The following SIK2 variants were observed in gnomAD, a reference collection of about 807,000 sequenced individuals.
SIK2 encodes salt inducible kinase 2, also known as serine/threonine-protein kinase SIK2.
Under a neutral mutation model 103.2 loss-of-function variants are expected in SIK2, and 29 were observed. The ratio of observed to expected loss-of-function variants is 0.28; its 90% CI spans 0.21 to 0.38. SIK2 has a LOEUF of 0.38. Among genes scored for constraint, SIK2 ranks in the 10% least tolerant of loss-of-function variants. The pLI, the probability that SIK2 is intolerant of heterozygous loss-of-function variation, is 1.00. For synonymous variants in SIK2, 412 were observed against 446.1 expected, an observed-to-expected ratio of 0.92 and a Z score of 0.96; for missense variants, 879 against 1,171.0, an observed-to-expected ratio of 0.75 and a Z score of 3.64.
chr11:111,691,172 T>C (rs1381717151), intron 4 of SIK2, among the ~76,000 whole-genome samples: 2 of 152,222 alleles, frequency 1.3e-5, no homozygotes, highest in African/African-American at 4.8e-5. Flanking sequence ...TCTGATGTCA[T>C]TGTGTGATAT....
Position 111,719,867 on chromosome 11 carries a change from C to T in SIK2, c.1359C>T (p.Asp453=), listed in dbSNP as rs780842589. 1.2e-5 allele frequency: 20 copies of T among 1,613,980 alleles called. No individual in the cohort carries two copies. The Admixed American group carries it at 1.8e-4, about 15-fold the overall frequency. ...LPSNMMETSI[D]EGLETEGEAE... ...GCAACATGATGGAGACCTCCATTGA[C>T]GAAGGGCTGGAGACAGAAGGAGAGG... The change falls in exon 10 of 15, where the codon GAC becomes GAT. Residue 453 remains aspartate, a synonymous_variant. Coordinates refer to ENST00000304987, the MANE Select transcript of SIK2 (RefSeq NM_015191.3).
chr11:111,698,863 T>C (rs1231504123), intron 4 of SIK2, among the ~76,000 whole-genome samples: 1 of 152,228 alleles, frequency 6.6e-6, no homozygotes, highest in East Asian at 1.9e-4. Context: ...ATCCGAGAGC[T>C]TCTTGTGCTG....
In SIK2 at chr11:111,720,555, G is replaced by A. The variant is rs1943770015; in HGVS notation, c.1573G>A (p.Asp525Asn). 1.9e-6 allele frequency: 3 copies of A among 1,613,936 alleles called. No individual in the cohort carries two copies. Among genetic ancestry groups the A allele is most frequent in the Non-Finnish European group, 1.7e-6 (2 of 1,180,014 alleles). The change falls in exon 11 of 15, where the codon GAC becomes AAC. Residue 525 changes from aspartate to asparagine, a missense_variant. Coordinates refer to ENST00000304987, the MANE Select transcript of SIK2 (RefSeq NM_015191.3). Reference protein sequence around the residue: ...SEYDMGSVQRDLNFLEDNPSL... With the variant: ...SEYDMGSVQRNLNFLEDNPSL... ...GTATGATATGGGGTCTGTTCAGAGGGACCTGAACTTTCTGGAAGACAACCC... is the reference window on the plus strand; with the variant it reads ...GTATGATATGGGGTCTGTTCAGAGGAACCTGAACTTTCTGGAAGACAACCC...
chr11:111,703,534 C>G (rs915674288), intron 7 of SIK2, 111 bp downstream of exon 7: 52 of 871,166 alleles, frequency 6.0e-5, no homozygotes, highest in Middle Eastern at 3.4e-4. Context: ...CCTAGGCGTA[C>G]TGTTCAGTGT....
At chr11:111,695,357 T>A (rs1045986130) in intron 4 of SIK2, among the ~76,000 whole-genome samples, 1 of 152,174 alleles carries the variant, frequency 6.6e-6, no homozygotes, top group African/African-American at 2.4e-5. Flanking sequence ...TTCCTAGAAA[T>A]CATTTACTTT....
chr11:111,658,539 T>C (rs1165247789), intron 3 of SIK2, among the ~76,000 whole-genome samples: 2 of 152,148 alleles, frequency 1.3e-5, no homozygotes, highest in Non-Finnish European at 2.9e-5. Flanking sequence ...GCCTAGGAGT[T>C]CGAGACCAGC....
chr11:111,637,941 T>G (rs1249550355), intron 3 of SIK2, among the ~76,000 whole-genome samples: 1 of 152,214 alleles, frequency 6.6e-6, no homozygotes, highest in African/African-American at 2.4e-5. Context: ...TAGAGTTTAT[T>G]TAGGTGATTA....
In SIK2 at chr11:111,729,320, A is replaced by G. The variant is rs1944102670; in HGVS notation, c.*5191A>G. The G allele has an allele frequency of 6.6e-6, 1 of 152,212 alleles. No individual in the cohort carries two copies. Among genetic ancestry groups the G allele is most frequent in the South Asian group, 2.1e-4 (1 of 4,836 alleles). The allele number at this position is 152,212 out of a possible 1,614,324, so 9.4% of individuals were successfully genotyped here. A position where few individuals can be genotyped will look rare whatever the true frequency, so the allele number is the denominator to read the frequency against. ...AGTGCTCGCAGACCCACCCAGGGAG[A>G]GCTGTGATGGGTTCTGCCCAGATAC... On this transcript the variant is annotated 3_prime_UTR_variant, in exon 15 of 15. Coordinates refer to ENST00000304987, the MANE Select transcript of SIK2 (RefSeq NM_015191.3).
At chr11:111,693,269 G>A (rs1942992983) in intron 4 of SIK2, among the ~76,000 whole-genome samples, 1 of 152,034 alleles carries the variant, frequency 6.6e-6, no homozygotes. Flanking sequence ...GGGAGTCAGA[G>A]GTTGCAGTGA....
chr11:111,626,849 C>G (rs796552627), intron 3 of SIK2, among the ~76,000 whole-genome samples: 9 of 152,158 alleles, frequency 5.9e-5, no homozygotes, highest in African/African-American at 2.2e-4. Flanking sequence ...CTTAATTACT[C>G]TTTATAAGGA....
At chr11:111,672,872 T>C (rs1942648388) in intron 3 of SIK2, among the ~76,000 whole-genome samples, 1 of 152,232 alleles carries the variant, frequency 6.6e-6, no homozygotes, top group African/African-American at 2.4e-5. Flanking sequence ...AATCTGGCTT[T>C]AACAAAACTT....
In SIK2 at chr11:111,705,211, A is replaced by C. The variant is rs180705186; in HGVS notation, c.1101+72A>C. The C allele has an allele frequency of 2.7e-5, 39 of 1,419,112 alleles. No homozygotes were observed. In the African/African-American group the frequency reaches 5.4e-4, roughly 20 times the overall value. 87.9% of individuals were successfully genotyped at this position (1,419,112 alleles called of 1,614,324 possible). A position where few individuals can be genotyped will look rare whatever the true frequency, so the allele number is the denominator to read the frequency against. On this transcript the variant is annotated intron_variant, in intron 8 of 14. Coordinates refer to ENST00000304987, the MANE Select transcript of SIK2 (RefSeq NM_015191.3). This position sits in a 1 kb window ranked among gnomAD's most constrained non-coding sequence, Gnocchi z 4.3. ...ACATGTTTGATACATTTTTCATCTT[A>C]TACACAGGGTTAGGATTTCATCCTC... is the stretch of plus-strand genomic sequence containing the variant.
intron 3 of SIK2, chr11:111,671,039 TG>T: frequency 6.2e-6 from 1 of 161,640 alleles, no homozygotes. Context: ...CTGGAGGAGC[TG>T]GGGCAGCTGA....
At chr11:111,643,474 A>T (rs1942210663) in intron 3 of SIK2, among the ~76,000 whole-genome samples, 1 of 152,034 alleles carries the variant, frequency 6.6e-6, no homozygotes, top group South Asian at 2.1e-4. Context: ...TAAAAAAAAA[A>T]AAGTTAATTA....
At chr11:111,624,907 G>A (rs1391783963) in intron 3 of SIK2, among the ~76,000 whole-genome samples, 1 of 152,174 alleles carries the variant, frequency 6.6e-6, no homozygotes, top group Admixed American at 6.5e-5. Context: ...TTAAAGCACA[G>A]TCATGTCGAT....
intron 1 of SIK2, among the ~76,000 whole-genome samples, chr11:111,603,407 C>T (rs1346246645): frequency 1.3e-5 from 2 of 152,042 alleles, no homozygotes; most frequent in Non-Finnish European, 2.9e-5. Flanking sequence ...GTGGATTGGT[C>T]TTCTACTTGT....
chr11:111,659,566 C>G (rs1942440778), intron 3 of SIK2, among the ~76,000 whole-genome samples: 1 of 152,174 alleles, frequency 6.6e-6, no homozygotes, highest in African/African-American at 2.4e-5. Context: ...CCTCACTGTC[C>G]CAGCTGGCTT....
intron 3 of SIK2, among the ~76,000 whole-genome samples, chr11:111,648,232 C>G (rs1482994206): frequency 6.6e-6 from 1 of 152,006 alleles, no homozygotes; most frequent in African/African-American, 2.4e-5. Context: ...CTATTTAAAG[C>G]AGTTTATTTT....
intron 3 of SIK2, among the ~76,000 whole-genome samples, chr11:111,676,451 A>G (rs1942704742): frequency 6.6e-6 from 1 of 151,726 alleles, no homozygotes; most frequent in African/African-American, 2.4e-5. Context: ...AATAACAACC[A>G]CTCTGACTGT....
Sources: allele counts gnomAD v4.1 joint callset (sites outside exome capture counted in the v4.1 genomes callset), GRCh38; gene constraint gnomAD v4.1.1; non-coding constraint Gnocchi (gnomAD v3.1); transcripts MANE v1.5; gene names NCBI Gene and HGNC (gene_info 2026-07-23, HGNC 2026-07-21).